Variants in PAXBP1 observed in about 807,000 individuals in gnomAD.
PAXBP1 encodes PAX3 and PAX7 binding protein 1, also known as PAX3- and PAX7-binding protein 1.
In PAXBP1, 44 loss-of-function variants were observed where a neutral mutation model predicts 119.9. That is an observed-to-expected ratio of 0.37 (90% CI 0.29 to 0.47). The LOEUF (loss-of-function observed/expected upper bound fraction) is 0.47. PAXBP1 is among the 20% of genes least tolerant of loss of function. The pLI is 0.99. For missense variants in PAXBP1, 898 were observed against 1,134.1 expected, an observed-to-expected ratio of 0.79 and a Z score of 2.99; for synonymous variants, 393 against 406.6, an observed-to-expected ratio of 0.97 and a Z score of 0.40.
In PAXBP1 at chr21:32,746,545, C is replaced by T. The variant is rs186792092; in HGVS notation, c.1924-827G>A. 2.6e-5 allele frequency among the ~76,000 whole-genome samples: 4 copies of T among 152,294 alleles called. No individual in the cohort carries two copies. In the East Asian group the frequency reaches 7.7e-4, roughly 29 times the overall value. On this transcript the variant is annotated intron_variant, in intron 11 of 17. Coordinates refer to ENST00000331923, the MANE Select transcript of PAXBP1 (RefSeq NM_016631.4). ...ATTGGAGAAATGCAAATCTAAACCACAATGAGATACCATCCCATGCCAATC... is the reference window on the plus strand; with the variant it reads ...ATTGGAGAAATGCAAATCTAAACCATAATGAGATACCATCCCATGCCAATC...
chr21:32,759,264 T>G lies in PAXBP1; in HGVS notation c.1199A>C (p.Asp400Ala). 6.2e-7 allele frequency: 1 copy of G among 1,613,524 alleles called. No individual in the cohort carries two copies. The highest frequency in any genetic ancestry group is 2.2e-5 in the East Asian group (1 of 44,844). The change falls in exon 7 of 18, where the codon GAC becomes GCC. Residue 400 changes from aspartate (D) to alanine (A), a missense_variant. This residue lies in a region of PAXBP1 where 599 missense variants were observed against 852.7 expected (regional missense o/e 0.70). Coordinates refer to ENST00000331923, the MANE Select transcript of PAXBP1 (RefSeq NM_016631.4). ...TGTTTTGTGCAATTCTTTCATGGAG[T>G]CCAACCTTAGGAACACAAAAGGATA... ...LVKKQLKDRL[D>A]SMKELHKTNR...
intron 15 of PAXBP1, 60 bp downstream of exon 15, chr21:32,743,188 A>C: frequency 7.8e-7 from 1 of 1,275,950 alleles, no homozygotes; most frequent in South Asian, 1.3e-5. Flanking sequence ...ACACTCTAAA[A>C]AATGTAATAT....
intron 8 of PAXBP1, among the ~76,000 whole-genome samples, chr21:32,753,592 C>A (rs571720455): frequency 6.6e-6 from 1 of 152,154 alleles, no homozygotes; most frequent in Non-Finnish European, 1.5e-5. Flanking sequence ...GCTTATAAAT[C>A]TAAACAGAAG....
chr21:32,770,084 C>A, intron 1 of PAXBP1, 142 bp from the exon 2 acceptor site: 1 of 612,126 alleles, frequency 1.6e-6, no homozygotes, highest in Non-Finnish European at 2.6e-6. Flanking sequence ...TATTTCAAGT[C>A]TGTCACAGAC....
At position 32,771,691 on chromosome 21, in the gene PAXBP1, G is replaced by A. The variant is rs1221945533; in HGVS notation, c.-23C>T. ...CATCCCCGCGGCCCGCACGGCGGTC[G>A]AATACTCGCTTCCACACCGCGGCCC... On this transcript the variant is annotated 5_prime_UTR_variant, in exon 1 of 18. Coordinates refer to ENST00000331923, the MANE Select transcript of PAXBP1 (RefSeq NM_016631.4). The A allele has an allele frequency of 7.2e-7, 1 of 1,380,178 alleles. No individual in the cohort carries two copies. Among genetic ancestry groups the A allele is most frequent in the Non-Finnish European group, 9.3e-7 (1 of 1,071,082 alleles). 85.5% of individuals were successfully genotyped at this position (1,380,178 alleles called of 1,614,324 possible). A position where few individuals can be genotyped will look rare whatever the true frequency, so the allele number is the denominator to read the frequency against.
chr21:32,742,396 C>T (rs1277703796), intron 15 of PAXBP1: 2 of 152,314 alleles, frequency 1.3e-5, no homozygotes, highest in Admixed American at 6.5e-5. Context: ...TCTTCAGCGC[C>T]TCCAGTGTAG....
At chr21:32,770,067 GTA>G in intron 1 of PAXBP1, 125 bp from the exon 2 acceptor site, 1 of 654,496 alleles carries the variant, frequency 1.5e-6, no homozygotes. Flanking sequence ...CAAAATCATT[GTA>G]TAATTATTTC....
chr21:32,767,408 T>C (rs180996310), intron 2 of PAXBP1, among the ~76,000 whole-genome samples: 1 of 152,280 alleles, frequency 6.6e-6, no homozygotes, highest in East Asian at 1.9e-4. Flanking sequence ...TCAATGAGGA[T>C]AGAAGGATGG....
intron 7 of PAXBP1, chr21:32,756,463 C>T (rs767818665): frequency 2.1e-6 from 1 of 483,502 alleles, no homozygotes; most frequent in Non-Finnish European, 4.1e-6. Context: ...GCAAAAGTAG[C>T]AAATGTTCAC....
In PAXBP1 at chr21:32,759,762, G is replaced by A; in HGVS notation, c.1193+15C>T. The A allele has an allele frequency of 6.3e-7, 1 of 1,599,824 alleles. No individual in the cohort carries two copies. The highest frequency in any genetic ancestry group is 8.6e-7 in the Non-Finnish European group (1 of 1,167,710). On this transcript the variant is annotated intron_variant, in intron 6 of 17. Coordinates refer to ENST00000331923, the MANE Select transcript of PAXBP1 (RefSeq NM_016631.4). ...AAGCTAGCGGACAGGTCTTTAAGAA[G>A]TTGATCTGCCCTACCTGTCTTTAAG...
At chr21:32,760,985 A>C in intron 5 of PAXBP1, 74 bp downstream of exon 5, 2 of 1,210,586 alleles carry the variant, frequency 1.7e-6, no homozygotes, top group South Asian at 2.7e-5. Context: ...TTCAATACGG[A>C]ATTTTTTACT....
intron 1 of PAXBP1, 87 bp from the exon 2 acceptor site, chr21:32,770,029 A>G: frequency 1.0e-6 from 1 of 958,948 alleles, no homozygotes; most frequent in South Asian, 1.8e-5. Flanking sequence ...TGCTGTCCAA[A>G]TTATCCCAAA....
intron 12 of PAXBP1, 61 bp downstream of exon 12, chr21:32,745,513 A>C: frequency 3.8e-6 from 6 of 1,585,544 alleles, no homozygotes; most frequent in Non-Finnish European, 3.5e-6. Context: ...ATAAACTCAT[A>C]AAAATAGATT....
At chr21:32,741,326 G>C in intron 15 of PAXBP1, 1 of 440,608 alleles carries the variant, frequency 2.3e-6, no homozygotes, top group Non-Finnish European at 4.1e-6. Context: ...GAAAATTACT[G>C]ACAAGAGGCA....
intron 11 of PAXBP1, 90 bp from the exon 12 acceptor site, chr21:32,745,808 C>T (rs1376273248): frequency 2.0e-6 from 3 of 1,504,594 alleles, no homozygotes. Context: ...CTGGATTTAA[C>T]CTTTGGTTGC....
rs746399570 is a variant in PAXBP1 at position 32,764,388 on chromosome 21, A to C, written c.609T>G (p.Ala203=). 1 of 1,613,832 alleles carries C rather than the reference A, an allele frequency of 6.2e-7. No homozygotes were observed. The highest frequency in any genetic ancestry group is 8.5e-7 in the Non-Finnish European group (1 of 1,179,880). Residue 203 remains alanine (A), a synonymous_variant, in exon 3 of 18, where the codon GCT becomes GCG. Coordinates refer to ENST00000331923, the MANE Select transcript of PAXBP1 (RefSeq NM_016631.4). ...KEEEKPKTGG[A]FSNALSSLNV... ...TCAATGAAGATAAAGCATTTGAAAA[A>C]GCTCCACCAGTCTTTGGCTTTTCTT... is the stretch of plus-strand genomic sequence containing the variant.
At chr21:32,744,122 T>C (rs2043832068) in intron 13 of PAXBP1, among the ~76,000 whole-genome samples, 1 of 152,146 alleles carries the variant, frequency 6.6e-6, no homozygotes, top group Non-Finnish European at 1.5e-5. Flanking sequence ...TGGCAACTAG[T>C]TATAAAACAG....
chr21:32,758,666 A>C (rs981330029), intron 7 of PAXBP1, among the ~76,000 whole-genome samples: 5 of 141,158 alleles, frequency 3.5e-5, no homozygotes, highest in Admixed American at 7.0e-5. Context: ...AAAAAAAAAA[A>C]CTAATAAAAA....
At position 32,769,917 on chromosome 21, in the gene PAXBP1, C is replaced by A; in HGVS notation, c.369G>T (p.Lys123Asn). ...EEENEEVFKV[K>N]KSSYSKKIVK... ...CTATCTTTTTGCTATAACTTGATTT[C>A]TTCACTTTGAAAACTTCTTCATTTT... Residue 123 changes from lysine to asparagine, a missense_variant, in exon 2 of 18, where the codon AAG (lysine) becomes AAT (asparagine). Transcript: ENST00000331923. The A allele has an allele frequency of 6.4e-7, 1 of 1,559,434 alleles. No individual in the cohort carries two copies. The highest frequency in any genetic ancestry group is 8.7e-7 in the Non-Finnish European group (1 of 1,147,150).
Sources: gnomAD v4.1 joint callset for allele counts (sites outside exome capture counted in the v4.1 genomes callset) on GRCh38, gnomAD v4.1.1 for gene constraint, gnomAD v4.1.1 regional missense constraint, MANE v1.5 for transcripts, NCBI Gene and HGNC (gene_info 2026-07-23, HGNC 2026-07-21) for gene names.